Variants in PIEZO2 observed in about 807,000 individuals in gnomAD.
PIEZO2 encodes piezo-type mechanosensitive ion channel component 2.
A neutral mutation model predicts 337.3 loss-of-function variants in PIEZO2; 172 were observed. The ratio of observed to expected loss-of-function variants is 0.51; its 90% CI spans 0.45 to 0.58. PIEZO2 has a LOEUF of 0.58. PIEZO2 is among the 20% of genes least tolerant of loss of function. PIEZO2 has a pLI of 0.00. For missense variants in PIEZO2, 3,028 were observed against 3,391.3 expected, an observed-to-expected ratio of 0.89 and a Z score of 2.66; for synonymous variants, 1,251 against 1,228.5, an observed-to-expected ratio of 1.02 and a Z score of -0.38.
In PIEZO2 at chr18:11,125,568, C is replaced by G. The variant is rs866701579; in HGVS notation, c.64+22957G>C. Among the ~76,000 whole-genome samples the G allele has an allele frequency of 1.3e-5, 2 of 152,178 alleles. No individual in the cohort carries two copies. The highest frequency in any genetic ancestry group is 2.9e-5 in the Non-Finnish European group (2 of 68,024). The stretch of plus-strand genomic sequence containing the variant: ...ACATCTGCGGAAACCAAGACACACT[C>G]CATTCCAAATAAAGATTACCCTGCA... On this transcript the variant is annotated intron_variant, in intron 1 of 55. Transcript: ENST00000674853. This position sits in a 1 kb window ranked among gnomAD's most constrained non-coding sequence, Gnocchi z 4.4.
chr18:10,981,302 AAC>A (rs1158720651), intron 2 of PIEZO2, among the ~76,000 whole-genome samples: 1 of 152,194 alleles, frequency 6.6e-6, no homozygotes, highest in Non-Finnish European at 1.5e-5. Flanking sequence ...CATCTTATGT[AAC>A]ACATAATAGA....
intron 3 of PIEZO2, among the ~76,000 whole-genome samples, chr18:10,949,985 G>A (rs1167747000): frequency 1.3e-5 from 2 of 152,144 alleles, no homozygotes; most frequent in Non-Finnish European, 2.9e-5. Flanking sequence ...ATAAGATTGA[G>A]GCAGTAATGA....
chr18:10,686,682 G>T (rs1160622017), intron 49 of PIEZO2, among the ~76,000 whole-genome samples: 1 of 152,172 alleles, frequency 6.6e-6, no homozygotes, highest in Non-Finnish European at 1.5e-5. Context: ...ATTAAGGGTT[G>T]TTGGGGCCCA....
Position 10,759,622 on chromosome 18 carries a change from C to A in PIEZO2, c.3656-39G>T. On this transcript the variant is annotated intron_variant, in intron 25 of 55. Coordinates refer to ENST00000674853, the MANE Select transcript of PIEZO2 (RefSeq NM_001378183.1). This position sits in a 1 kb window ranked among gnomAD's most constrained non-coding sequence, Gnocchi z 5.5. ...AGTGGCGAACAGCACAATCAATACT[C>A]TTCTTCACCACTCTTCTCCCAGCCG... The A allele has an allele frequency of 6.5e-7, 1 of 1,534,818 alleles. No homozygotes were observed. The highest frequency in any genetic ancestry group is 8.7e-7 in the Non-Finnish European group (1 of 1,144,654).
chr18:11,053,973 G>A (rs1406176659), intron 2 of PIEZO2, among the ~76,000 whole-genome samples: 1 of 152,166 alleles, frequency 6.6e-6, no homozygotes, highest in African/African-American at 2.4e-5. Flanking sequence ...GCAGTGAGCC[G>A]AGATCACATC....
rs536050673 is a variant in PIEZO2, at chr18:10,857,973, G to C, written c.493-762C>G. On this transcript the variant is annotated intron_variant, in intron 5 of 55. Transcript: ENST00000674853. ...CTAATTAGAATATTTCCCTAGAAGG[G>C]TTACGACTTTTTCTTTTTTCTTTCT... is the stretch of plus-strand genomic sequence containing the variant. Among the ~76,000 whole-genome samples, 31 of 150,928 alleles carry C rather than the reference G, an allele frequency of 2.1e-4. No homozygotes were observed. In the South Asian group the frequency reaches 3.8e-3, roughly 18 times the overall value.
rs773830362 is a variant in PIEZO2, at chr18:10,877,720, T to A, written c.330-6305A>T. On this transcript the variant is annotated intron_variant, in intron 4 of 55. Transcript: ENST00000674853. This position sits in a 1 kb window ranked among gnomAD's most constrained non-coding sequence, Gnocchi z 5.3. ...TGATTTCATCTCAGGTTGTCCCCTC[T>A]GCCAGCCAGGCCTCCACATTAATAT... 6.6e-6 allele frequency among the ~76,000 whole-genome samples: 1 copy of A among 152,146 alleles called. No individual in the cohort carries two copies. The highest frequency in any genetic ancestry group is 6.5e-5 in the Admixed American group (1 of 15,278).
At position 10,962,064 on chromosome 18, in the gene PIEZO2, T is replaced by TCA. The variant is rs147432044; in HGVS notation, c.286+17469_286+17470dup. ...AATGCACCACTGATTCTCGCAACGTTCAGTTTTTTTTTCCAAGCAGACTGT... is the reference window on the plus strand; with the variant it reads ...AATGCACCACTGATTCTCGCAACGTTCACAGTTTTTTTTTCCAAGCAGACTGT... On this transcript the variant is annotated intron_variant, in intron 3 of 55. Coordinates refer to ENST00000674853, the MANE Select transcript of PIEZO2 (RefSeq NM_001378183.1). The surrounding 1 kb of genome is among the most constrained non-coding windows in gnomAD (Gnocchi z 4.1). Among the ~76,000 whole-genome samples the TCA allele has an allele frequency of 0.019, 2,817 of 152,216 alleles. 102 individuals are homozygous for TCA. The highest frequency in any genetic ancestry group is 0.064 in the African/African-American group (2,639 of 41,500).
At chr18:10,768,621 GA>G (rs1230749595) in intron 21 of PIEZO2, among the ~76,000 whole-genome samples, 1 of 152,202 alleles carries the variant, frequency 6.6e-6, no homozygotes, top group African/African-American at 2.4e-5. Context: ...TTAAAGGTGA[GA>G]GAGATGAAAT....
At chr18:10,898,507 G>A (rs1020828668) in intron 4 of PIEZO2, among the ~76,000 whole-genome samples, 2 of 152,238 alleles carry the variant, frequency 1.3e-5, no homozygotes, top group African/African-American at 2.4e-5. Flanking sequence ...GCAGAACGAA[G>A]TAGTGAGAGA....
intron 3 of PIEZO2, among the ~76,000 whole-genome samples, chr18:10,946,713 T>C (rs796098584): frequency 1.3e-5 from 2 of 152,320 alleles, no homozygotes; most frequent in African/African-American, 4.8e-5. Flanking sequence ...TTGGCCCTCA[T>C]ACTGAACCTC....
Position 11,129,993 on chromosome 18 carries a change from C to T in PIEZO2, c.64+18532G>A, listed in dbSNP as rs2040295128. On this transcript the variant is annotated intron_variant, in intron 1 of 55. Transcript: ENST00000674853. The surrounding 1 kb of genome is among the most constrained non-coding windows in gnomAD (Gnocchi z 4.6). ...AGCTGGCAGAACCCCCACATTGGCT[C>T]CCTGACTAGTAGGGTGAGGGCTACT... is the stretch of plus-strand genomic sequence containing the variant. Among the ~76,000 whole-genome samples, 1 of 152,164 alleles carries T rather than the reference C, an allele frequency of 6.6e-6. No individual in the cohort carries two copies. The highest frequency in any genetic ancestry group is 6.5e-5 in the Admixed American group (1 of 15,276).
intron 1 of PIEZO2, among the ~76,000 whole-genome samples, chr18:11,121,968 T>C (rs1271973187): frequency 6.6e-6 from 1 of 152,154 alleles, no homozygotes; most frequent in Non-Finnish European, 1.5e-5. Flanking sequence ...TTTTCTTTTT[T>C]TTTGAGATGG....
In PIEZO2 at chr18:11,027,075, A is replaced by G. The variant is rs1239759414; in HGVS notation, c.160+39052T>C. 6.6e-6 allele frequency among the ~76,000 whole-genome samples: 1 copy of G among 152,262 alleles called. No individual in the cohort carries two copies. The highest frequency in any genetic ancestry group is 1.5e-5 in the Non-Finnish European group (1 of 68,048). On this transcript the variant is annotated intron_variant, in intron 2 of 55. Transcript: ENST00000674853. This position sits in a 1 kb window ranked among gnomAD's most constrained non-coding sequence, Gnocchi z 4.2. The stretch of plus-strand genomic sequence containing the variant: ...CATATGAAATGTCACAGAGCAGTCA[A>G]TTCTAAACTGTGTAAGAATGAGTGT...
At position 10,767,142 on chromosome 18, in the gene PIEZO2, T is replaced by C. The variant is rs1173827146; in HGVS notation, c.2946+3006A>G. Among the ~76,000 whole-genome samples the C allele has an allele frequency of 6.6e-6, 1 of 152,050 alleles. No homozygotes were observed. The highest frequency in any genetic ancestry group is 1.5e-5 in the Non-Finnish European group (1 of 68,028). ...CAGAGCTGTCCAATAGCCTTCGGAA[T>C]TAGAAAGTAGCTGTGTATTTCAAAA... On this transcript the variant is annotated intron_variant, in intron 21 of 55. Transcript: ENST00000674853. This position sits in a 1 kb window ranked among gnomAD's most constrained non-coding sequence, Gnocchi z 4.2.
chr18:11,142,800 C>A (rs1190948110), intron 1 of PIEZO2, among the ~76,000 whole-genome samples: 5 of 130,104 alleles, frequency 3.8e-5, no homozygotes, highest in African/African-American at 1.1e-4. Context: ...AAAAAAGGAC[C>A]GGGCACGGTG....
chr18:10,696,362 G>A (rs762236911), intron 46 of PIEZO2, 30 bp downstream of exon 46: 2 of 1,614,138 alleles, frequency 1.2e-6, no homozygotes, highest in South Asian at 2.2e-5. Flanking sequence ...ATGGGTCAGG[G>A]CGGGTGCTGT....
rs953998376 is a variant in PIEZO2, at chr18:11,149,084, C to T, written c.-496G>A. ...CTGAAGCCACCGCGTCTCCTTTGCC[C>T]GGCCTCGTCTCCGCTGCCCACGCAG... On this transcript the variant is annotated 5_prime_UTR_variant, in exon 1 of 56. Coordinates refer to ENST00000674853, the MANE Select transcript of PIEZO2 (RefSeq NM_001378183.1). The surrounding 1 kb of genome is among the most constrained non-coding windows in gnomAD (Gnocchi z 8.7). Among the ~76,000 whole-genome samples the T allele has an allele frequency of 2.0e-5, 3 of 152,116 alleles. No individual in the cohort carries two copies. Among genetic ancestry groups the T allele is most frequent in the African/African-American group, 7.2e-5 (3 of 41,438 alleles).
chr18:10,802,764 G>A (rs2039868916), intron 9 of PIEZO2, among the ~76,000 whole-genome samples: 1 of 152,118 alleles, frequency 6.6e-6, no homozygotes, highest in Non-Finnish European at 1.5e-5. Flanking sequence ...AAGCTCAGGA[G>A]TTCAAGACCA....
Sources: gnomAD v4.1 joint callset for allele counts (sites outside exome capture counted in the v4.1 genomes callset) on GRCh38, gnomAD v4.1.1 for gene constraint, Gnocchi (gnomAD v3.1) non-coding constraint, MANE v1.5 for transcripts, NCBI Gene and HGNC (gene_info 2026-07-23, HGNC 2026-07-21) for gene names.